CCDC63: variants seen among roughly 807,000 people sequenced by gnomAD.
CCDC63 encodes coiled-coil domain-containing protein 63.
A neutral mutation model predicts 63.6 loss-of-function variants in CCDC63; 54 were observed. That is an observed-to-expected ratio of 0.85 (90% confidence interval 0.68 to 1.07). The LOEUF (loss-of-function observed/expected upper bound fraction) is 1.07, where lower values mean the gene tolerates loss of function less well. CCDC63 is among the 50% of genes least tolerant of loss of function. CCDC63 has a pLI of 0.00. For missense variants in CCDC63, 637 were observed against 689.6 expected (o/e 0.92, Z 0.86); for synonymous variants, 253 against 266.1 (o/e 0.95, Z 0.48).
At chr12:110,861,978 C>T (rs1311241339) in intron 4 of CCDC63, among the ~76,000 whole-genome samples, 2 of 152,076 alleles carry the variant, frequency 1.3e-5, no homozygotes, top group Non-Finnish European at 2.9e-5. Context: ...GGGCTTGACG[C>T]CCCCTTCGTG....
intron 3 of CCDC63, 88 bp from the exon 4 acceptor site, chr12:110,858,498 G>A (rs960393251): frequency 2.0e-5 from 24 of 1,190,864 alleles, no homozygotes; most frequent in South Asian, 1.5e-4. Context: ...CCTCTCTCCC[G>A]GTCTCCTTGC....
At chr12:110,857,419 C>T (rs1244845274) in intron 3 of CCDC63, among the ~76,000 whole-genome samples, 2 of 152,142 alleles carry the variant, frequency 1.3e-5, no homozygotes, top group Admixed American at 1.3e-4. Flanking sequence ...GCCACTGCGC[C>T]GGGCCTGTAG....
At chr12:110,861,581 T>C (rs2070853699) in intron 4 of CCDC63, among the ~76,000 whole-genome samples, 1 of 151,016 alleles carries the variant, frequency 6.6e-6, no homozygotes, top group Non-Finnish European at 1.5e-5. Flanking sequence ...CAAATGCTCT[T>C]TTTTTTTTGA....
intron 6 of CCDC63, 108 bp from the exon 7 acceptor site, chr12:110,881,007 T>A: frequency 1.0e-6 from 1 of 974,038 alleles, no homozygotes; most frequent in Non-Finnish European, 1.4e-6. Flanking sequence ...TTATGATAAA[T>A]AAAAGTGATA....
chr12:110,867,223 G>A (rs1593655440), intron 4 of CCDC63, among the ~76,000 whole-genome samples: 1 of 133,074 alleles, frequency 7.5e-6, no homozygotes, highest in African/African-American at 2.8e-5. Flanking sequence ...CGGGCGGGGG[G>A]CCGACCCCCC....
Position 110,907,327 on chromosome 12 carries a change from G to T in CCDC63, c.1547-4G>T, listed in dbSNP as rs768388115. The T allele has an allele frequency of 6.2e-7, 1 of 1,612,902 alleles. No individual in the cohort carries two copies. The highest frequency in any genetic ancestry group is 1.3e-5 in the African/African-American group (1 of 75,032). On this transcript the variant is annotated splice_polypyrimidine_tract_variant and splice_region_variant and intron_variant, in intron 11 of 11. Coordinates refer to ENST00000308208, the MANE Select transcript of CCDC63 (RefSeq NM_152591.3). The surrounding 1 kb of genome is among the most constrained non-coding windows in gnomAD (Gnocchi z 4.4). The stretch of plus-strand genomic sequence containing the variant: ...CACCTCACACAAATCTGATCTTGGT[G>T]CAGTGGAACAGCCCCTGGACCACAG...
intron 8 of CCDC63, among the ~76,000 whole-genome samples, chr12:110,891,317 AAC>A: frequency 1.5e-5 from 1 of 65,562 alleles, no homozygotes; most frequent in African/African-American, 7.5e-5. Context: ...TCTCAAAACA[AAC>A]AAACAAACAA....
At chr12:110,852,283 T>G (rs2070713818) in intron 1 of CCDC63, among the ~76,000 whole-genome samples, 1 of 151,532 alleles carries the variant, frequency 6.6e-6, no homozygotes, top group South Asian at 2.1e-4. Flanking sequence ...TGAGATGGAG[T>G]CTCACTCTGT....
intron 5 of CCDC63, among the ~76,000 whole-genome samples, chr12:110,875,170 T>C (rs1404780935): frequency 1.3e-5 from 2 of 152,206 alleles, no homozygotes; most frequent in Non-Finnish European, 2.9e-5. Context: ...TTAATATCCA[T>C]GCCCAGTGAT....
chr12:110,870,302 A>G (rs1303930176), intron 4 of CCDC63, among the ~76,000 whole-genome samples: 1 of 152,076 alleles, frequency 6.6e-6, no homozygotes. Context: ...GGCTGGTCTC[A>G]AACTCCTGAC....
At chr12:110,853,059 A>T (rs375036004) in intron 2 of CCDC63, 96 bp downstream of exon 2, 16 of 1,384,022 alleles carry the variant, frequency 1.2e-5, no homozygotes, top group Non-Finnish European at 1.5e-5. Context: ...CCTGACAAAC[A>T]GATCTGTGCT....
At chr12:110,883,535 T>C (rs943016687) in intron 7 of CCDC63, among the ~76,000 whole-genome samples, 3 of 152,238 alleles carry the variant, frequency 2.0e-5, no homozygotes, top group African/African-American at 2.4e-5. Flanking sequence ...AAATGAATGA[T>C]GGGTGAAGCT....
Position 110,852,893 on chromosome 12 carries a change from TC to T in CCDC63, c.-61del. 6 of 1,613,846 alleles carry T rather than the reference TC, an allele frequency of 3.7e-6. No individual in the cohort carries two copies. Among genetic ancestry groups the T allele is most frequent in the Non-Finnish European group, 5.1e-6 (6 of 1,179,840 alleles). Reference sequence around the variant, plus strand: ...GAGAGACAGAGAGAGAGAGGAAGGCTCACTGGCTTTGAGCTCTCTGGGTACA... The same window carrying T: ...GAGAGACAGAGAGAGAGAGGAAGGCTACTGGCTTTGAGCTCTCTGGGTACA... On this transcript the variant is annotated 5_prime_UTR_variant, in exon 2 of 12. Transcript: ENST00000308208.
intron 4 of CCDC63, among the ~76,000 whole-genome samples, chr12:110,861,408 C>A (rs956442474): frequency 6.6e-5 from 10 of 152,354 alleles, no homozygotes; most frequent in African/African-American, 2.4e-4. Flanking sequence ...CCCCTGCCCC[C>A]ACCTGCTCTG....
chr12:110,902,494 C>T (rs933466524), intron 10 of CCDC63, among the ~76,000 whole-genome samples: 1 of 152,114 alleles, frequency 6.6e-6, no homozygotes, highest in African/African-American at 2.4e-5. Flanking sequence ...AGTTCCTCCA[C>T]ATTCTCAAAT....
chr12:110,881,136 G>C lies in CCDC63; in HGVS notation c.693G>C (p.Met231Ile). 1 of 1,611,262 alleles carries C rather than the reference G, an allele frequency of 6.2e-7. No homozygotes were observed. Among genetic ancestry groups the C allele is most frequent in the Non-Finnish European group, 8.5e-7 (1 of 1,179,426 alleles). Residue 231 changes from methionine to isoleucine, a missense_variant, in exon 7 of 12, where the codon ATG (methionine) becomes ATC (isoleucine). Coordinates refer to ENST00000308208, the MANE Select transcript of CCDC63 (RefSeq NM_152591.3). Reference protein sequence around the residue: ...YEQRVEAMARMAAMKDRQKKD... With the variant: ...YEQRVEAMARIAAMKDRQKKD... ...CCAGGGTGGAGGCCATGGCTCGAAT[G>C]GCTGCCATGAAAGACCGCCAGAAGA... is the stretch of plus-strand genomic sequence containing the variant.
At chr12:110,852,770 A>T (rs1034922486) in intron 1 of CCDC63, 89 bp from the exon 2 acceptor site, 20 of 787,712 alleles carry the variant, frequency 2.5e-5, no homozygotes, top group African/African-American at 2.4e-4. Context: ...GGAGGAAGGG[A>T]TGGCAGGGGG....
chr12:110,885,410 T>C (rs78970792), intron 8 of CCDC63, among the ~76,000 whole-genome samples: 2,590 of 152,282 alleles, frequency 0.017, 75 homozygotes, highest in African/African-American at 0.058. Flanking sequence ...TCCTGGGCTA[T>C]TTACACACCA....
intron 8 of CCDC63, among the ~76,000 whole-genome samples, chr12:110,888,956 C>A (rs1280258663): frequency 6.6e-6 from 1 of 151,868 alleles, no homozygotes; most frequent in African/African-American, 2.4e-5. Flanking sequence ...ACTCCAGCCT[C>A]AATCTCCCTG....
Sources: gnomAD v4.1 joint callset for allele counts (sites outside exome capture counted in the v4.1 genomes callset) on GRCh38, gnomAD v4.1.1 for gene constraint, Gnocchi (gnomAD v3.1) non-coding constraint, MANE v1.5 for transcripts, NCBI Gene and HGNC (gene_info 2026-07-23, HGNC 2026-07-21) for gene names.